SMURF1: variants seen among roughly 807,000 people sequenced by gnomAD.
SMURF1 encodes SMAD specific E3 ubiquitin protein ligase 1, also known as E3 ubiquitin-protein ligase SMURF1.
SMURF1 carries 44 observed loss-of-function variants against 98.0 expected under a neutral mutation model. The observed-to-expected ratio is 0.45, with a 90% confidence interval of 0.35 to 0.58. SMURF1 has a LOEUF of 0.58. Ranked by LOEUF, SMURF1 falls within the 20% of genes least tolerant of loss-of-function variation. The pLI, the probability that SMURF1 is intolerant of heterozygous loss-of-function variation, is 0.00. For missense variants in SMURF1, 687 were observed against 938.4 expected (o/e 0.73, Z 3.50); for synonymous variants, 396 against 374.9 (o/e 1.06, Z -0.65).
intron 12 of SMURF1, among the ~76,000 whole-genome samples, chr7:99,040,832 G>C (rs1877913): frequency 0.098 from 14,913 of 152,240 alleles, 791 homozygotes; most frequent in East Asian, 0.22. Context: ...GTTCAGCAAT[G>C]ACTGAGAATT....
chr7:99,038,046 A>G (rs1795219605), intron 14 of SMURF1, among the ~76,000 whole-genome samples: 1 of 152,128 alleles, frequency 6.6e-6, no homozygotes, highest in African/African-American at 2.4e-5. Context: ...AAAAAAACTG[A>G]GAGGGTGGCT....
At chr7:99,085,568 C>T (rs1796662221) in intron 1 of SMURF1, among the ~76,000 whole-genome samples, 2 of 152,140 alleles carry the variant, frequency 1.3e-5, no homozygotes, top group African/African-American at 4.8e-5. Flanking sequence ...CAGAGCGCTG[C>T]ATTTATCATA....
intron 1 of SMURF1, among the ~76,000 whole-genome samples, chr7:99,096,787 A>G (rs941574278): frequency 1.3e-5 from 2 of 152,218 alleles, no homozygotes; most frequent in African/African-American, 4.8e-5. Flanking sequence ...GAAGAACTGA[A>G]CACCATTAAC....
Position 99,060,661 on chromosome 7 carries a change from C to T in SMURF1, c.141G>A (p.Gln47=), listed in dbSNP as rs746657957. 6 of 1,613,908 alleles carry T rather than the reference C, an allele frequency of 3.7e-6. No homozygotes were observed. Among genetic ancestry groups the T allele is most frequent in the East Asian group, 4.5e-5 (2 of 44,894 alleles). ...FAKIVVDGSG[Q]CHSTDTVKNT... ...TTTTCACAGTGTCGGTTGAGTGGCA[C>T]TGCCCAGACCCATCCACGACAATCT... The change falls in exon 3 of 18, where the codon CAG becomes CAA. Residue 47 remains glutamine (Q), a synonymous_variant. Coordinates refer to ENST00000361368, the MANE Select transcript of SMURF1 (RefSeq NM_181349.3).
intron 1 of SMURF1, among the ~76,000 whole-genome samples, chr7:99,092,421 C>T (rs963496292): frequency 6.6e-6 from 1 of 152,314 alleles, no homozygotes; most frequent in Non-Finnish European, 1.5e-5. Context: ...AATCAATACT[C>T]GTGGCACCTC....
chr7:99,047,623 T>G, intron 10 of SMURF1, 61 bp downstream of exon 10: 1 of 1,550,304 alleles, frequency 6.5e-7, no homozygotes, highest in Non-Finnish European at 8.9e-7. Flanking sequence ...TGAGATTCCT[T>G]TGTCTGAATT....
At chr7:99,035,449 C>T in intron 16 of SMURF1, 66 bp downstream of exon 16, 1 of 1,574,658 alleles carries the variant, frequency 6.4e-7, no homozygotes. Context: ...CAGCCACCTT[C>T]CAGCTCTTCC....
intron 1 of SMURF1, chr7:99,081,353 T>C (rs1796574329): frequency 6.6e-6 from 1 of 152,170 alleles, no homozygotes; most frequent in African/African-American, 2.4e-5. Flanking sequence ...CCAAAAATAC[T>C]GTTTTAAGTT....
chr7:99,113,502 T>A (rs185837058), intron 1 of SMURF1, among the ~76,000 whole-genome samples: 1 of 152,264 alleles, frequency 6.6e-6, no homozygotes. Context: ...ATAGTAAACC[T>A]GCTCTACAAG....
intron 1 of SMURF1, among the ~76,000 whole-genome samples, chr7:99,105,009 C>T (rs1797164985): frequency 6.6e-6 from 1 of 152,236 alleles, no homozygotes; most frequent in African/African-American, 2.4e-5. Flanking sequence ...AAGTCAGTTT[C>T]TGTTGCCTGT....
intron 1 of SMURF1, among the ~76,000 whole-genome samples, chr7:99,102,831 GTT>G (rs1413478906): frequency 6.6e-6 from 1 of 151,776 alleles, no homozygotes; most frequent in African/African-American, 2.4e-5. Context: ...TGGTTTTTTT[GTT>G]TTTTTGTTTT....
At chr7:99,106,485 A>G (rs1364149984) in intron 1 of SMURF1, among the ~76,000 whole-genome samples, 1 of 152,218 alleles carries the variant, frequency 6.6e-6, no homozygotes, top group Non-Finnish European at 1.5e-5. Flanking sequence ...GAAACTATTT[A>G]AAATATTTGG....
At chr7:99,038,547 A>G (rs769565029) in intron 13 of SMURF1, 22 bp from the exon 14 acceptor site, 25 of 1,611,864 alleles carry the variant, frequency 1.6e-5, no homozygotes, top group African/African-American at 4.0e-5. Context: ...AGACAGAAGG[A>G]TGTAGGTTAG....
At chr7:99,063,244 TATATATATATATATATATATA>T (rs1796086932) in intron 1 of SMURF1, among the ~76,000 whole-genome samples, 185 of 14,506 alleles carry the variant, frequency 0.013, 13 homozygotes, top group East Asian at 0.06. Context: ...GATTTATTTA[TATATATATATATATATATATA>T]TATATATATA....
chr7:99,068,133 T>C (rs1006981034), intron 1 of SMURF1, among the ~76,000 whole-genome samples: 1 of 152,256 alleles, frequency 6.6e-6, no homozygotes. Context: ...TATATTTCTG[T>C]GTCTCCAAGT....
chr7:99,053,972 C>T (rs1795822228), intron 6 of SMURF1, among the ~76,000 whole-genome samples: 1 of 151,970 alleles, frequency 6.6e-6, no homozygotes, highest in Admixed American at 6.6e-5. Context: ...GCTGTGTCGC[C>T]CAAGGTGGAG....
intron 17 of SMURF1, among the ~76,000 whole-genome samples, chr7:99,031,930 G>T (rs1258801228): frequency 6.6e-6 from 1 of 152,174 alleles, no homozygotes; most frequent in Non-Finnish European, 1.5e-5. Context: ...GTACGCAAGT[G>T]ATTGTATTTG....
At chr7:99,036,055 C>T (rs931269882) in intron 15 of SMURF1, 34 of 347,842 alleles carry the variant, frequency 9.8e-5, no homozygotes, top group South Asian at 7.9e-4. Context: ...CCATGAATAA[C>T]GGCACGTCCC....
intron 1 of SMURF1, among the ~76,000 whole-genome samples, chr7:99,120,953 T>A (rs1797602515): frequency 6.6e-6 from 1 of 151,884 alleles, no homozygotes. Context: ...ACAAAAACTT[T>A]TAGGGAAAGA....
Sources: allele counts gnomAD v4.1 joint callset (sites outside exome capture counted in the v4.1 genomes callset), GRCh38; gene constraint gnomAD v4.1.1; transcripts MANE v1.5; gene names NCBI Gene and HGNC (gene_info 2026-07-23, HGNC 2026-07-21).